Variants in RSU1 observed in about 807,000 individuals in gnomAD.
RSU1 encodes rsu-1.
A neutral mutation model predicts 31.1 loss-of-function variants in RSU1; 26 were observed. That is an observed-to-expected ratio of 0.84 (90% CI 0.61 to 1.16). The LOEUF is 1.16. Among genes scored for constraint, RSU1 ranks in the 50% most tolerant of loss-of-function variants. RSU1 has a pLI of 0.00. For synonymous variants in RSU1, 164 were observed against 136.3 expected (o/e 1.20, Z -1.41); for missense variants, 320 against 339.1 (o/e 0.94, Z 0.44).
At chr10:16,631,963 A>G (rs1437694685) in intron 8 of RSU1, among the ~76,000 whole-genome samples, 1 of 152,156 alleles carries the variant, frequency 6.6e-6, no homozygotes, top group East Asian at 1.9e-4. Context: ...TGATTCTGGA[A>G]GAGTCCGTAG....
chr10:16,785,433 T>TATAC (rs1837760246), intron 2 of RSU1, among the ~76,000 whole-genome samples: 1 of 143,326 alleles, frequency 7.0e-6, no homozygotes, highest in Admixed American at 6.9e-5. Flanking sequence ...TATACATATA[T>TATAC]ATATATACAC....
intron 2 of RSU1, among the ~76,000 whole-genome samples, chr10:16,803,666 A>G (rs746238774): frequency 6.6e-6 from 1 of 152,188 alleles, no homozygotes; most frequent in Non-Finnish European, 1.5e-5. Flanking sequence ...GAAAGCCCAG[A>G]AATAGACCCA....
intron 4 of RSU1, among the ~76,000 whole-genome samples, chr10:16,756,791 G>T (rs150493108): frequency 6.6e-6 from 1 of 152,148 alleles, no homozygotes; most frequent in Non-Finnish European, 1.5e-5. Flanking sequence ...GTTGCTCAAG[G>T]GTCAATTGTG....
At chr10:16,804,470 G>A (rs868091445) in intron 2 of RSU1, among the ~76,000 whole-genome samples, 1 of 151,990 alleles carries the variant, frequency 6.6e-6, no homozygotes, top group Non-Finnish European at 1.5e-5. Context: ...CTAGGTATTC[G>A]CCCAGATGTG....
chr10:16,695,531 T>C (rs946675625), intron 7 of RSU1, among the ~76,000 whole-genome samples: 2 of 152,180 alleles, frequency 1.3e-5, no homozygotes, highest in South Asian at 4.1e-4. Context: ...CTGGCTGATC[T>C]GGGCCCAATC....
intron 8 of RSU1, 42 bp downstream of exon 8, chr10:16,694,981 A>C: frequency 6.4e-7 from 1 of 1,552,284 alleles, no homozygotes. Flanking sequence ...TAAATACTAT[A>C]AAATCACAGT....
At chr10:16,738,935 C>G (rs1373103987) in intron 7 of RSU1, among the ~76,000 whole-genome samples, 4 of 150,010 alleles carry the variant, frequency 2.7e-5, no homozygotes, top group African/African-American at 7.3e-5. Flanking sequence ...TCATTCAACT[C>G]CCACTTATGA....
chr10:16,730,746 C>T (rs1428606073), intron 7 of RSU1, among the ~76,000 whole-genome samples: 1 of 152,142 alleles, frequency 6.6e-6, no homozygotes, highest in East Asian at 1.9e-4. Flanking sequence ...CATACAGAGA[C>T]ATTAACCAAT....
Position 16,604,141 on chromosome 10 carries a change from G to C in RSU1, c.732-10645C>G, listed in dbSNP as rs556465971. Among the ~76,000 whole-genome samples, 36 of 152,268 alleles carry C rather than the reference G, an allele frequency of 2.4e-4. No homozygotes were observed. The East Asian group carries it at 7.0e-3, about 29-fold the overall frequency. ...AACTAGCTGGGGATGACTCTGGTCGGGGCAAGAGTGAGGCACCACCCCAAA... is the reference window on the plus strand; with the variant it reads ...AACTAGCTGGGGATGACTCTGGTCGCGGCAAGAGTGAGGCACCACCCCAAA... On this transcript the variant is annotated intron_variant, in intron 8 of 8. Coordinates refer to ENST00000345264, the MANE Select transcript of RSU1 (RefSeq NM_012425.4).
At chr10:16,765,361 C>A (rs561877970) in intron 3 of RSU1, among the ~76,000 whole-genome samples, 1 of 152,278 alleles carries the variant, frequency 6.6e-6, no homozygotes, top group South Asian at 2.1e-4. Context: ...TACATATACA[C>A]ACACAAAGGT....
intron 7 of RSU1, among the ~76,000 whole-genome samples, chr10:16,735,161 C>T (rs758605182): frequency 1.2e-4 from 18 of 152,118 alleles, no homozygotes; most frequent in Non-Finnish European, 2.2e-4. Context: ...CAGTTGGTCT[C>T]GGCTATAATA....
intron 7 of RSU1, among the ~76,000 whole-genome samples, chr10:16,702,992 C>A (rs1293764268): frequency 1.3e-5 from 2 of 152,108 alleles, no homozygotes; most frequent in Admixed American, 6.6e-5. Flanking sequence ...TAGCAACATC[C>A]CTCTGGTGCT....
chr10:16,674,166 C>CG (rs1564311575), intron 8 of RSU1, among the ~76,000 whole-genome samples: 1 of 152,166 alleles, frequency 6.6e-6, no homozygotes, highest in African/African-American at 2.4e-5. Flanking sequence ...TCCCCTCCCC[C>CG]TGGCCCCCGA....
chr10:16,685,833 GT>G (rs1199838722), intron 8 of RSU1, among the ~76,000 whole-genome samples: 2 of 152,100 alleles, frequency 1.3e-5, no homozygotes, highest in African/African-American at 4.8e-5. Flanking sequence ...TGGTTCATGC[GT>G]CCCAGAGAGA....
In RSU1 at chr10:16,754,963, C is replaced by T. The variant is rs200412240; in HGVS notation, c.308G>A (p.Arg103Gln). Residue 103 changes from arginine (R) to glutamine (Q), a missense_variant, in exon 5 of 9, where the codon CGA (arginine) becomes CAA (glutamine). Coordinates refer to ENST00000345264, the MANE Select transcript of RSU1 (RefSeq NM_012425.4). ...AAGAGCTGGCAGGGAGCCGAAGCCTCGTGGCAAAGTGTTCAGCCTGTTCAT... is the reference window on the plus strand; with the variant it reads ...AAGAGCTGGCAGGGAGCCGAAGCCTTGTGGCAAAGTGTTCAGCCTGTTCAT... The part of the protein sequence containing the change: ...LGMNRLNTLP[R>Q]GFGSLPALEV... The T allele has an allele frequency of 6.2e-7, 1 of 1,613,190 alleles. No homozygotes were observed. Among genetic ancestry groups the T allele is most frequent in the Non-Finnish European group, 8.5e-7 (1 of 1,179,712 alleles).
intron 8 of RSU1, among the ~76,000 whole-genome samples, chr10:16,657,883 G>A (rs1459676636): frequency 6.6e-6 from 1 of 152,074 alleles, no homozygotes; most frequent in African/African-American, 2.4e-5. Flanking sequence ...CCAGCTACTC[G>A]GGAGGCTGAG....
chr10:16,803,747 A>C (rs548600862), intron 2 of RSU1, among the ~76,000 whole-genome samples: 3 of 152,346 alleles, frequency 2.0e-5, no homozygotes, highest in Non-Finnish European at 4.4e-5. Context: ...TCTTTTCAAC[A>C]AACGGTGCTG....
chr10:16,766,243 T>A (rs1258136204), intron 3 of RSU1, among the ~76,000 whole-genome samples: 2 of 152,206 alleles, frequency 1.3e-5, no homozygotes, highest in African/African-American at 4.8e-5. Context: ...CAAGTTTTCA[T>A]CGGGTAATCT....
chr10:16,651,299 T>C (rs533858409), intron 8 of RSU1, among the ~76,000 whole-genome samples: 1 of 152,344 alleles, frequency 6.6e-6, no homozygotes, highest in South Asian at 2.1e-4. Context: ...ATGAAACTTA[T>C]TCATTTATTT....
Sources: gnomAD v4.1 joint callset for allele counts (sites outside exome capture counted in the v4.1 genomes callset) on GRCh38, gnomAD v4.1.1 for gene constraint, MANE v1.5 for transcripts, NCBI Gene and HGNC (gene_info 2026-07-23, HGNC 2026-07-21) for gene names.